DHRSX: variants seen among roughly 807,000 people sequenced by gnomAD.
DHRSX encodes the protein polyprenol dehydrogenase.
In DHRSX, 31 loss-of-function variants were observed where a neutral mutation model predicts 34.0. That is an observed-to-expected ratio of 0.91 (90% CI 0.69 to 1.23). The LOEUF is 1.23. Ranked by LOEUF, DHRSX falls within the 50% of genes most tolerant of loss-of-function variation. The pLI, the probability that DHRSX is intolerant of heterozygous loss-of-function variation, is 0.00. For missense variants in DHRSX, 414 were observed against 428.1 expected (o/e 0.97, Z 0.29); for synonymous variants, 201 against 183.8 (o/e 1.09, Z -0.76).
At chrX:2,403,146 G>C (rs1191407049) in intron 3 of DHRSX, among the ~76,000 whole-genome samples, 1 of 152,094 alleles carries the variant, frequency 6.6e-6, no homozygotes, top group African/African-American at 2.4e-5. Flanking sequence ...GCTTTCCAAA[G>C]TGCTGGGATT....
chrX:2,252,978 G>C (rs2016467322), intron 5 of DHRSX, among the ~76,000 whole-genome samples: 1 of 152,178 alleles, frequency 6.6e-6, no homozygotes, highest in Non-Finnish European at 1.5e-5. Flanking sequence ...TTGAGCCCAG[G>C]AGTTCAAGAC....
At chrX:2,344,891 ATATATATATATATAT>A (rs2042683863) in intron 3 of DHRSX, among the ~76,000 whole-genome samples, 1 of 132,942 alleles carries the variant, frequency 7.5e-6, no homozygotes, top group African/African-American at 3.2e-5. Flanking sequence ...ATATATATAT[ATATATATATATATAT>A]ATATATATAC....
At chrX:2,449,441 A>C (rs6642212) in intron 1 of DHRSX, among the ~76,000 whole-genome samples, 9,639 of 152,122 alleles carry the variant, frequency 0.063, 413 homozygotes, top group Non-Finnish European at 0.085. Flanking sequence ...GCTGGGAAGA[A>C]ATGGAACATT....
chrX:2,301,931 C>T (rs1234253279), intron 3 of DHRSX, among the ~76,000 whole-genome samples: 3 of 152,114 alleles, frequency 2.0e-5, no homozygotes, highest in Middle Eastern at 3.4e-3. Context: ...GCACCTCACC[C>T]GGCCTCATCT....
chrX:2,326,448 G>A (rs2042387510), intron 3 of DHRSX, among the ~76,000 whole-genome samples: 1 of 152,136 alleles, frequency 6.6e-6, no homozygotes, highest in Non-Finnish European at 1.5e-5. Context: ...GCTTGACCCT[G>A]GGAGGTGGAG....
chrX:2,243,820 T>TTTTG, intron 5 of DHRSX, among the ~76,000 whole-genome samples: 1 of 126,710 alleles, frequency 7.9e-6, no homozygotes, highest in African/African-American at 3.7e-5. Flanking sequence ...TTTTTTTTTT[T>TTTTG]TTGAGACAGA....
At chrX:2,357,621 A>G (rs1164489850) in intron 3 of DHRSX, among the ~76,000 whole-genome samples, 2 of 151,986 alleles carry the variant, frequency 1.3e-5, no homozygotes, top group Non-Finnish European at 2.9e-5. Flanking sequence ...GTCCTGAATG[A>G]CAAAGGATCT....
chrX:2,405,045 T>C (rs960763227), intron 3 of DHRSX, among the ~76,000 whole-genome samples: 4 of 152,178 alleles, frequency 2.6e-5, no homozygotes, highest in African/African-American at 7.2e-5. Flanking sequence ...GATCCTGCAA[T>C]GCCGGCTATG....
chrX:2,494,303 A>C (rs1456143250), intron 1 of DHRSX, among the ~76,000 whole-genome samples: 1 of 151,906 alleles, frequency 6.6e-6, no homozygotes, highest in Non-Finnish European at 1.5e-5. Flanking sequence ...AGAGGTCTCG[A>C]CACCTGGAAC....
chrX:2,225,958 G>C (rs192622981), intron 6 of DHRSX, among the ~76,000 whole-genome samples: 1 of 151,942 alleles, frequency 6.6e-6, no homozygotes, highest in Admixed American at 6.6e-5. Context: ...CATGCACAGA[G>C]GGACGACCCT....
At chrX:2,323,229 C>T (rs1176296535) in intron 3 of DHRSX, among the ~76,000 whole-genome samples, 1 of 152,174 alleles carries the variant, frequency 6.6e-6, no homozygotes. Flanking sequence ...GGTAGCCAAG[C>T]GCCATAGCCA....
chrX:2,347,550 C>T (rs2042736133), intron 3 of DHRSX, among the ~76,000 whole-genome samples: 2 of 152,248 alleles, frequency 1.3e-5, no homozygotes. Context: ...AAAAATTAGC[C>T]GTGCATGGTG....
chrX:2,246,332 C>T lies in DHRSX; in HGVS notation c.597-3102G>A, dbSNP rs751552774. ...CAAAAGCTGTTCCTAAATAAGAATA[C>T]AATATTGAGGGCTGGGTGCGTTGGC... On this transcript the variant is annotated intron_variant, in intron 5 of 6. Transcript: ENST00000334651. 3.9e-5 allele frequency among the ~76,000 whole-genome samples: 6 copies of T among 152,074 alleles called. No homozygotes were observed. The East Asian group carries it at 1.2e-3, about 29-fold the overall frequency.
intron 3 of DHRSX, among the ~76,000 whole-genome samples, chrX:2,310,351 G>C (rs925515954): frequency 1.3e-5 from 2 of 152,066 alleles, no homozygotes; most frequent in African/African-American, 4.8e-5. Flanking sequence ...CACCCCCTGC[G>C]TCTCTCATTT....
rs73630291 is a variant in DHRSX at position 2,372,220 on chromosome X, A to T, written c.286+36525T>A. ...ACGTATCCTTACCAGAACCAGAAAA[A>T]TTCACAATTTTAATGGTGAATCGGG... On this transcript the variant is annotated intron_variant, in intron 3 of 6. Transcript: ENST00000334651. 5.7e-3 allele frequency among the ~76,000 whole-genome samples: 871 copies of T among 152,272 alleles called. 12 individuals carry two copies. The highest frequency in any genetic ancestry group is 0.02 in the African/African-American group (840 of 41,552).
At chrX:2,430,365 T>C (rs1189406020) in intron 1 of DHRSX, among the ~76,000 whole-genome samples, 2 of 151,914 alleles carry the variant, frequency 1.3e-5, no homozygotes, top group Non-Finnish European at 2.9e-5. Flanking sequence ...AAGCTGGCAT[T>C]GGGGCTGAGA....
chrX:2,282,769 C>G (rs561104618), intron 4 of DHRSX, among the ~76,000 whole-genome samples: 11,321 of 34,974 alleles, frequency 0.32, 1,065 homozygotes, highest in Middle Eastern at 0.53. Flanking sequence ...GGGGAGAAAG[C>G]GAGGGAGGGA....
At chrX:2,248,598 A>G (rs932916713) in intron 5 of DHRSX, among the ~76,000 whole-genome samples, 2 of 135,186 alleles carry the variant, frequency 1.5e-5, no homozygotes, top group African/African-American at 5.8e-5. Context: ...GGGCGACAAG[A>G]GCAAGACTCT....
chrX:2,314,469 A>AGAAGGAAG (rs1307048568), intron 3 of DHRSX, among the ~76,000 whole-genome samples: 3 of 19,712 alleles, frequency 1.5e-4, no homozygotes, highest in South Asian at 1.1e-3. Flanking sequence ...AAGGAAGGGG[A>AGAAGGAAG]GAAGGAAGGA....
Sources: gnomAD v4.1 joint callset for allele counts (sites outside exome capture counted in the v4.1 genomes callset) on GRCh38, gnomAD v4.1.1 for gene constraint, MANE v1.5 for transcripts, NCBI Gene and HGNC (gene_info 2026-07-23, HGNC 2026-07-21) for gene names.